FAM193A: variants seen among roughly 807,000 people sequenced by gnomAD.
FAM193A encodes protein FAM193A.
FAM193A carries 22 observed loss-of-function variants against 126.5 expected under a neutral mutation model. The observed-to-expected ratio is 0.17, with a 90% CI of 0.12 to 0.25. The LOEUF is 0.25. FAM193A is among the 10% of genes least tolerant of loss of function. The probability of loss-of-function intolerance (pLI) is 1.00; values close to 1 mark genes in which losing one functional copy is unlikely to be tolerated. For missense variants in FAM193A, 1,675 were observed against 1,672.8 expected, an observed-to-expected ratio of 1.00 and a Z score of -0.02; for synonymous variants, 761 against 646.8, an observed-to-expected ratio of 1.18 and a Z score of -2.68.
chr4:2,711,111 C>A, intron 19 of FAM193A, among the ~76,000 whole-genome samples: 1 of 152,168 alleles, frequency 6.6e-6, no homozygotes, highest in Admixed American at 6.6e-5. Context: ...CTTGGCCTCC[C>A]AAAGTGCTGG....
intron 20 of FAM193A, among the ~76,000 whole-genome samples, chr4:2,720,938 G>A: frequency 6.6e-6 from 1 of 152,142 alleles, no homozygotes; most frequent in East Asian, 1.9e-4. Flanking sequence ...CTAGGAGACC[G>A]AGGCAAGAGG....
At chr4:2,715,730 T>G (rs1215696356) in intron 19 of FAM193A, among the ~76,000 whole-genome samples, 2 of 152,202 alleles carry the variant, frequency 1.3e-5, no homozygotes, top group Non-Finnish European at 2.9e-5. Context: ...ATGGGCTGCC[T>G]GTCATATAAT....
intron 2 of FAM193A, among the ~76,000 whole-genome samples, chr4:2,622,111 G>T (rs1324844964): frequency 1.3e-5 from 2 of 152,018 alleles, no homozygotes; most frequent in Admixed American, 6.6e-5. Context: ...GAAAAATTAA[G>T]CCAGGTGTGG....
chr4:2,636,307 C>T (rs1220360023), intron 5 of FAM193A, among the ~76,000 whole-genome samples: 2 of 152,120 alleles, frequency 1.3e-5, no homozygotes, highest in Non-Finnish European at 2.9e-5. Context: ...TCGTGATTCG[C>T]CTGCCTTAGC....
chr4:2,636,343 G>A (rs2340508), intron 5 of FAM193A, among the ~76,000 whole-genome samples: 2 of 152,188 alleles, frequency 1.3e-5, no homozygotes, highest in African/African-American at 4.8e-5. Context: ...AATTACAGCC[G>A]TGAGCCACCG....
chr4:2,606,344 C>G (rs1463104970), intron 2 of FAM193A, among the ~76,000 whole-genome samples: 1 of 152,178 alleles, frequency 6.6e-6, no homozygotes, highest in Non-Finnish European at 1.5e-5. Flanking sequence ...GCCACCGCAT[C>G]CGGCCTAACA....
chr4:2,584,065 T>G (rs1006678037), intron 1 of FAM193A, among the ~76,000 whole-genome samples: 1 of 152,188 alleles, frequency 6.6e-6, no homozygotes, highest in African/African-American at 2.4e-5. Flanking sequence ...CTTCTTTGTT[T>G]TCTTCTAGAG....
chr4:2,657,940 G>A (rs1711912313), intron 8 of FAM193A, 60 bp downstream of exon 8: 2 of 1,144,764 alleles, frequency 1.7e-6, no homozygotes, highest in Non-Finnish European at 2.6e-6. Flanking sequence ...GACAGCAAAT[G>A]ACTTCTCTGC....
intron 19 of FAM193A, 90 bp downstream of exon 19, chr4:2,700,634 T>A (rs1053235694): frequency 9.4e-6 from 14 of 1,486,950 alleles, no homozygotes; most frequent in African/African-American, 2.8e-5. Flanking sequence ...GGGTTTGGCA[T>A]GCTCTCGCCA....
At chr4:2,699,527 G>C (rs973746976) in intron 18 of FAM193A, among the ~76,000 whole-genome samples, 153 bp from the exon 19 acceptor site, 6 of 151,280 alleles carry the variant, frequency 4.0e-5, no homozygotes, top group African/African-American at 4.9e-5. Flanking sequence ...AAGAGAATTG[G>C]AGGTGGGTGT....
intron 2 of FAM193A, among the ~76,000 whole-genome samples, chr4:2,606,977 CA>C (rs1392184445): frequency 6.6e-6 from 1 of 152,138 alleles, no homozygotes; most frequent in Admixed American, 6.5e-5. Context: ...AAATATCTGA[CA>C]AATATCCAAG....
rs564840627 is a variant in FAM193A at position 2,647,421 on chromosome 4, C to T, written c.1311+589C>T. Among the ~76,000 whole-genome samples, 41 of 152,308 alleles carry T rather than the reference C, an allele frequency of 2.7e-4. No homozygotes were observed. In the South Asian group the frequency reaches 5.6e-3, roughly 21 times the overall value. ...TCAGCCTCCCAAAGTGTTGGGATTA[C>T]AGGAGTGAGCCACCACGCCTGGTCC... On this transcript the variant is annotated intron_variant, in intron 7 of 20. Coordinates refer to ENST00000637812, the MANE Select transcript of FAM193A (RefSeq NM_001366318.2).
At chr4:2,594,820 C>CTCTT (rs1740763872) in intron 1 of FAM193A, among the ~76,000 whole-genome samples, 1 of 62,210 alleles carries the variant, frequency 1.6e-5, no homozygotes, top group African/African-American at 7.9e-5. Context: ...TTTTCTTTTC[C>CTCTT]TTTTTTTTTT....
Position 2,732,123 on chromosome 4 carries a change from C to T in FAM193A, c.*255C>T. ...GGAACAGTAGTTCCCGCCAAGTCCT[C>T]CCACCACCGCGGCCTCGGAGGCCTG... On this transcript the variant is annotated 3_prime_UTR_variant, in exon 21 of 21. Transcript: ENST00000637812. 1.9e-6 allele frequency: 1 copy of T among 514,122 alleles called. No homozygotes were observed. Among genetic ancestry groups the T allele is most frequent in the Middle Eastern group, 5.5e-4 (1 of 1,820 alleles). The allele number at this position is 514,122 out of a possible 1,614,324, so 31.8% of individuals were successfully genotyped here. A position where few individuals can be genotyped will look rare whatever the true frequency, so the allele number is the denominator to read the frequency against.
At chr4:2,637,370 AAAAAT>A (rs1201730706) in intron 5 of FAM193A, among the ~76,000 whole-genome samples, 5 of 152,296 alleles carry the variant, frequency 3.3e-5, no homozygotes, top group East Asian at 3.9e-4. Context: ...AAGAAATCTA[AAAAAT>A]AAAATAAAAT....
intron 15 of FAM193A, 50 bp from the exon 16 acceptor site, chr4:2,693,536 G>C (rs372292939): frequency 1.3e-6 from 2 of 1,556,520 alleles, no homozygotes; most frequent in East Asian, 2.3e-5. Flanking sequence ...CTACAGGTTT[G>C]AACATTTTTG....
chr4:2,676,279 C>T (rs149009799), intron 13 of FAM193A, among the ~76,000 whole-genome samples: 2 of 152,344 alleles, frequency 1.3e-5, no homozygotes, highest in Non-Finnish European at 1.5e-5. Flanking sequence ...TCCTCATTAA[C>T]ACTTGTTATT....
chr4:2,719,737 T>G (rs1719908162), intron 20 of FAM193A, among the ~76,000 whole-genome samples: 1 of 99,018 alleles, frequency 1.0e-5, no homozygotes, highest in Non-Finnish European at 2.0e-5. Flanking sequence ...AGAGAGACAC[T>G]CTCAAAAAAA....
intron 10 of FAM193A, among the ~76,000 whole-genome samples, chr4:2,660,948 C>G (rs1017854352): frequency 2.0e-5 from 3 of 152,212 alleles, no homozygotes; most frequent in African/African-American, 7.2e-5. Flanking sequence ...TGTGTACTCT[C>G]CAGGGCACAA....
Sources: allele counts gnomAD v4.1 joint callset (sites outside exome capture counted in the v4.1 genomes callset), GRCh38; gene constraint gnomAD v4.1.1; transcripts MANE v1.5; gene names NCBI Gene and HGNC (gene_info 2026-07-23, HGNC 2026-07-21).